Variants in RUNX1T1 observed in about 807,000 individuals in gnomAD.
The protein encoded by RUNX1T1 is RUNX1 partner transcriptional co-repressor 1.
RUNX1T1 carries 4 observed loss-of-function variants against 62.8 expected under a neutral mutation model. The observed-to-expected ratio is 0.06, with a 90% CI of 0.03 to 0.15. RUNX1T1 has a LOEUF of 0.15. Ranked by LOEUF, RUNX1T1 falls within the 10% of genes least tolerant of loss-of-function variation. RUNX1T1 has a pLI of 1.00. For missense variants in RUNX1T1, 508 were observed against 754.3 expected (o/e 0.67, Z 3.82); for synonymous variants, 291 against 286.0 (o/e 1.02, Z -0.18).
intron 2 of RUNX1T1, chr8:92,071,104 T>C (rs955451404): frequency 6.6e-6 from 1 of 152,236 alleles, no homozygotes; most frequent in African/African-American, 2.4e-5. Context: ...ACTGTGCAAA[T>C]ATTATTTCTC....
intron 1 of RUNX1T1, among the ~76,000 whole-genome samples, chr8:92,096,066 A>G (rs1215319325): frequency 1.3e-5 from 2 of 152,144 alleles, no homozygotes; most frequent in Admixed American, 6.5e-5. Context: ...GCTAACCCCA[A>G]TACTCCTAAA....
At chr8:92,022,802 C>T (rs111828981) in intron 1 of RUNX1T1, among the ~76,000 whole-genome samples, 10 of 152,308 alleles carry the variant, frequency 6.6e-5, no homozygotes, top group African/African-American at 2.2e-4. Context: ...TTTGCTGAAA[C>T]ACAAATAGGA....
chr8:91,993,035 C>T (rs1367747645), intron 5 of RUNX1T1, among the ~76,000 whole-genome samples: 2 of 152,176 alleles, frequency 1.3e-5, no homozygotes, highest in Non-Finnish European at 2.9e-5. Flanking sequence ...ACAAGACCAG[C>T]ACTCTTATCT....
intron 1 of RUNX1T1, among the ~76,000 whole-genome samples, chr8:92,097,985 TAG>T (rs1837864765): frequency 6.6e-6 from 1 of 152,256 alleles, no homozygotes; most frequent in South Asian, 2.1e-4. Flanking sequence ...AAGTCCAGGC[TAG>T]AGACTAGAAA....
At chr8:91,988,419 G>T (rs1285368041) in intron 6 of RUNX1T1, among the ~76,000 whole-genome samples, 1 of 152,132 alleles carries the variant, frequency 6.6e-6, no homozygotes, top group Non-Finnish European at 1.5e-5. Context: ...CATTGGGAAA[G>T]AATAGTATTT....
At chr8:92,027,735 T>G (rs1825481600) in intron 1 of RUNX1T1, among the ~76,000 whole-genome samples, 1 of 152,142 alleles carries the variant, frequency 6.6e-6, no homozygotes, top group Non-Finnish European at 1.5e-5. Context: ...CACATCCCTA[T>G]GGTCTTTAAT....
intron 6 of RUNX1T1, 24 bp downstream of exon 7, chr8:91,991,615 A>G (rs762620667): frequency 3.1e-6 from 5 of 1,602,618 alleles, no homozygotes; most frequent in Admixed American, 3.4e-5. Context: ...TCCCGTAAGA[A>G]GTGAACAGGT....
At chr8:92,033,981 T>A (rs1245178668) in intron 1 of RUNX1T1, among the ~76,000 whole-genome samples, 68 of 141,580 alleles carry the variant, frequency 4.8e-4, no homozygotes, top group East Asian at 2.6e-3. Flanking sequence ...AAAAAAAAAA[T>A]TTTTTTTTTA....
chr8:92,003,256 A>T (rs1366949756), intron 5 of RUNX1T1: 15 of 426,044 alleles, frequency 3.5e-5, no homozygotes, highest in Non-Finnish European at 6.7e-5. Flanking sequence ...TGTGGAATTT[A>T]AGATGAAGTT....
chr8:92,069,133 A>AT (rs67374910), intron 2 of RUNX1T1, among the ~76,000 whole-genome samples: 3 of 151,264 alleles, frequency 2.0e-5, no homozygotes, highest in Non-Finnish European at 4.4e-5. Context: ...TTTATTCCCT[A>AT]TTTTTTTATT....
At chr8:92,026,980 G>C (rs1825310068) in intron 1 of RUNX1T1, among the ~76,000 whole-genome samples, 1 of 150,846 alleles carries the variant, frequency 6.6e-6, no homozygotes, top group Admixed American at 6.6e-5. Context: ...GCCGGGCATG[G>C]TGGCGCGCGC....
rs1812533050 is a variant in RUNX1T1 at position 91,970,204 on chromosome 8, C to T, written c.1458+454G>A. ...ATCTCTTAGAAATATTCAGTTGATGCAAACATTGTTTTAGCATTGGACTTT... is the reference window on the plus strand; with the variant it reads ...ATCTCTTAGAAATATTCAGTTGATGTAAACATTGTTTTAGCATTGGACTTT... On this transcript the variant is annotated intron_variant, in intron 10 of 10. Coordinates refer to ENST00000396218, the Ensembl canonical transcript of RUNX1T1. Among the ~76,000 whole-genome samples, 3 of 152,252 alleles carry T rather than the reference C, an allele frequency of 2.0e-5. No homozygotes were observed. In the South Asian group the frequency reaches 6.2e-4, roughly 32 times the overall value.
At chr8:92,048,656 G>A (rs1275680399) in intron 1 of RUNX1T1, among the ~76,000 whole-genome samples, 1 of 151,838 alleles carries the variant, frequency 6.6e-6, no homozygotes, top group African/African-American at 2.4e-5. Flanking sequence ...GTCTTTGGAG[G>A]GTGAGATGAT....
chr8:92,053,786 T>C (rs1271569149), intron 1 of RUNX1T1, among the ~76,000 whole-genome samples: 1 of 152,176 alleles, frequency 6.6e-6, no homozygotes, highest in Non-Finnish European at 1.5e-5. Flanking sequence ...CACTTATTCA[T>C]TAAGCAAATA....
chr8:92,095,280 C>G, intron 1 of RUNX1T1: 2 of 1,517,244 alleles, frequency 1.3e-6, no homozygotes, highest in Non-Finnish European at 1.8e-6. Flanking sequence ...CCTCCCCACG[C>G]CCCCCTTCCT....
chr8:92,076,066 C>G (rs201970766), exon 2 of RUNX1T1: 6 of 1,608,158 alleles, frequency 3.7e-6, no homozygotes, highest in Admixed American at 1.7e-5. Context: ...CCACCAATCG[C>G]TCTGCTAATT....
intron 1 of RUNX1T1, among the ~76,000 whole-genome samples, chr8:92,031,922 T>C (rs888886112): frequency 5.9e-5 from 9 of 151,262 alleles, no homozygotes; most frequent in Non-Finnish European, 1.3e-4. Flanking sequence ...TGAAACCCCA[T>C]CTCTACTAAA....
intron 8 of RUNX1T1, among the ~76,000 whole-genome samples, chr8:91,985,612 C>T (rs1010082080): frequency 1.3e-5 from 2 of 151,762 alleles, no homozygotes; most frequent in Non-Finnish European, 2.9e-5. Context: ...TTCCTGGAGG[C>T]GGGGGGTTGA....
intron 10 of RUNX1T1, among the ~76,000 whole-genome samples, chr8:91,968,324 T>C (rs1357241438): frequency 6.6e-6 from 1 of 152,182 alleles, no homozygotes; most frequent in African/African-American, 2.4e-5. Context: ...TAGGTGTCAA[T>C]GGACAGCTCC....
Sources: allele counts gnomAD v4.1 joint callset (sites outside exome capture counted in the v4.1 genomes callset), GRCh38; gene constraint gnomAD v4.1.1; transcripts MANE v1.5; gene names NCBI Gene and HGNC (gene_info 2026-07-23, HGNC 2026-07-21).